The following CDIN1 variants were observed in gnomAD, a reference collection of about 807,000 sequenced individuals.
CDIN1 encodes CDAN1-interacting nuclease 1.
CDIN1 carries 33 observed loss-of-function variants against 45.3 expected under a neutral mutation model. The ratio of observed to expected loss-of-function variants is 0.73; its 90% CI spans 0.55 to 0.97. The LOEUF (loss-of-function observed/expected upper bound fraction) is 0.97, where lower values mean the gene tolerates loss of function less well. Among genes scored for constraint, CDIN1 ranks in the 50% least tolerant of loss-of-function variants. The probability of loss-of-function intolerance (pLI) is 0.00; values close to 1 mark genes in which losing one functional copy is unlikely to be tolerated. For synonymous variants in CDIN1, 118 were observed against 124.4 expected (o/e 0.95, Z 0.34); for missense variants, 303 against 339.4 (o/e 0.89, Z 0.84).
intron 1 of CDIN1, among the ~76,000 whole-genome samples, chr15:36,612,746 A>G (rs1344735408): frequency 2.0e-5 from 3 of 152,198 alleles, no homozygotes; most frequent in South Asian, 2.1e-4. Context: ...AGTCTGCATT[A>G]TCTTCTTGGA....
At chr15:36,581,000 C>G (rs2037015682) in intron 1 of CDIN1, among the ~76,000 whole-genome samples, 1 of 152,166 alleles carries the variant, frequency 6.6e-6, no homozygotes, top group Non-Finnish European at 1.5e-5. Flanking sequence ...TTTTGAAGGA[C>G]TTGGTTTTCC....
chr15:36,595,219 G>T (rs185853506), intron 1 of CDIN1, among the ~76,000 whole-genome samples: 172 of 150,902 alleles, frequency 1.1e-3, no homozygotes, highest in African/African-American at 3.9e-3. Context: ...TGTCTTGAAA[G>T]GCTTAGATGA....
At chr15:36,732,927 A>AC (rs755446881) in intron 10 of CDIN1, among the ~76,000 whole-genome samples, 36 of 152,092 alleles carry the variant, frequency 2.4e-4, no homozygotes, top group Non-Finnish European at 4.7e-4. Flanking sequence ...CAATATTTTA[A>AC]CCCAGTAGCA....
chr15:36,686,002 C>T (rs1333751470), intron 5 of CDIN1, among the ~76,000 whole-genome samples: 4 of 151,414 alleles, frequency 2.6e-5, no homozygotes, highest in East Asian at 3.9e-4. Flanking sequence ...GTCAGTGTGG[C>T]GATTCCTCAG....
rs1018259183 is a variant in CDIN1 at position 36,736,881 on chromosome 15, C to T, written c.716+26920C>T. Among the ~76,000 whole-genome samples the T allele has an allele frequency of 5.3e-5, 8 of 152,238 alleles. No homozygotes were observed. The East Asian group carries it at 7.7e-4, about 15-fold the overall frequency. ...TTTTTAATCATTTAAAAATGCTTCA[C>T]ACTGGCCGGGCACAGTGGCTCATGT... On this transcript the variant is annotated intron_variant, in intron 10 of 10. Coordinates refer to ENST00000566621, the MANE Select transcript of CDIN1 (RefSeq NM_001321759.2).
intron 10 of CDIN1, among the ~76,000 whole-genome samples, chr15:36,782,035 C>T (rs530847385): frequency 6.6e-6 from 1 of 152,294 alleles, no homozygotes; most frequent in East Asian, 1.9e-4. Flanking sequence ...GGACTCCACT[C>T]CCAGAAGTAG....
At chr15:36,720,644 A>G (rs1033304483) in intron 10 of CDIN1, among the ~76,000 whole-genome samples, 3 of 152,170 alleles carry the variant, frequency 2.0e-5, no homozygotes, top group Non-Finnish European at 2.9e-5. Flanking sequence ...TCTATGGTGT[A>G]TATGTGCCAC....
At chr15:36,725,978 G>T (rs1478767470) in intron 10 of CDIN1, among the ~76,000 whole-genome samples, 4 of 152,180 alleles carry the variant, frequency 2.6e-5, no homozygotes, top group Non-Finnish European at 5.9e-5. Context: ...ACTTTGCAAA[G>T]TGTGGAAAGT....
intron 10 of CDIN1, among the ~76,000 whole-genome samples, chr15:36,721,436 C>G (rs2140880399): frequency 6.6e-6 from 1 of 152,236 alleles, no homozygotes; most frequent in Admixed American, 6.6e-5. Flanking sequence ...TTGACCCACA[C>G]TTATTTTGAA....
At chr15:36,797,138 T>C (rs1331562212) in intron 10 of CDIN1, among the ~76,000 whole-genome samples, 2 of 152,202 alleles carry the variant, frequency 1.3e-5, no homozygotes, top group African/African-American at 4.8e-5. Flanking sequence ...ATAGGCATTG[T>C]AGAGATGGCA....
chr15:36,635,714 G>A (rs925034417), intron 1 of CDIN1, among the ~76,000 whole-genome samples: 6 of 152,112 alleles, frequency 3.9e-5, no homozygotes, highest in South Asian at 2.1e-4. Flanking sequence ...AACTTTGTTC[G>A]GGGAGTTATA....
chr15:36,792,508 T>C (rs2054670024), intron 10 of CDIN1, among the ~76,000 whole-genome samples: 1 of 152,098 alleles, frequency 6.6e-6, no homozygotes, highest in Non-Finnish European at 1.5e-5. Context: ...ATACACATAC[T>C]TTGTCCCAAT....
chr15:36,805,324 G>A (rs886165486), intron 10 of CDIN1, among the ~76,000 whole-genome samples: 1 of 152,096 alleles, frequency 6.6e-6, no homozygotes, highest in African/African-American at 2.4e-5. Flanking sequence ...TCTCCCAGCT[G>A]GCAGGGAGGG....
rs10557235 is a variant in CDIN1, at chr15:36,751,229, T to TTATATA, written c.716+41294_716+41299dup. 6.9e-3 allele frequency among the ~76,000 whole-genome samples: 671 copies of TTATATA among 97,516 alleles called. 17 individuals carry two copies. The highest frequency in any genetic ancestry group is 0.026 in the East Asian group (52 of 1,974). 64.0% of individuals were successfully genotyped at this position (97,516 alleles called of 152,430 possible). ...ATAAAAGCATATATATATGCTTATTTTATATATATATATATATATATATAT... is the reference window on the plus strand; with the variant it reads ...ATAAAAGCATATATATATGCTTATTTTATATATATATATATATATATATATATATAT... On this transcript the variant is annotated intron_variant, in intron 10 of 10. Coordinates refer to ENST00000566621, the MANE Select transcript of CDIN1 (RefSeq NM_001321759.2).
intron 5 of CDIN1, among the ~76,000 whole-genome samples, chr15:36,689,284 A>G (rs1295579139): frequency 6.6e-6 from 1 of 152,060 alleles, no homozygotes; most frequent in Non-Finnish European, 1.5e-5. Context: ...GTCACGGAGT[A>G]TTGTCCCTTT....
intron 10 of CDIN1, among the ~76,000 whole-genome samples, chr15:36,778,628 C>T (rs1173110894): frequency 1.3e-5 from 2 of 152,136 alleles, no homozygotes; most frequent in Non-Finnish European, 2.9e-5. Flanking sequence ...GTGCACATCT[C>T]TCTAGCATGC....
chr15:36,760,100 G>C (rs571590971), intron 10 of CDIN1, among the ~76,000 whole-genome samples: 1 of 152,076 alleles, frequency 6.6e-6, no homozygotes, highest in Non-Finnish European at 1.5e-5. Context: ...TATAAATATA[G>C]CTCTATGTGA....
chr15:36,633,408 A>G (rs1319170367), intron 1 of CDIN1, among the ~76,000 whole-genome samples: 1 of 152,118 alleles, frequency 6.6e-6, no homozygotes, highest in Non-Finnish European at 1.5e-5. Flanking sequence ...CTTTTACCAC[A>G]TCCATATATA....
intron 10 of CDIN1, among the ~76,000 whole-genome samples, chr15:36,774,492 CA>C (rs879547544): frequency 1.2e-3 from 165 of 140,160 alleles, no homozygotes; most frequent in Admixed American, 1.4e-3. Flanking sequence ...TTTCATTTAG[CA>C]AAAAAAAAAA....
Sources: gnomAD v4.1 joint callset for allele counts (sites outside exome capture counted in the v4.1 genomes callset) on GRCh38, gnomAD v4.1.1 for gene constraint, MANE v1.5 for transcripts, NCBI Gene and HGNC (gene_info 2026-07-23, HGNC 2026-07-21) for gene names.